B3GLCT: variants seen among roughly 807,000 people sequenced by gnomAD.
The protein encoded by B3GLCT is beta 3-glucosyltransferase.
In B3GLCT, 65 loss-of-function variants were observed where a neutral mutation model predicts 63.4. The observed-to-expected ratio is 1.03, with a 90% confidence interval of 0.84 to 1.26. B3GLCT has a LOEUF of 1.26. B3GLCT is among the 50% of genes most tolerant of loss of function. B3GLCT has a pLI of 0.00. For missense variants in B3GLCT, 577 were observed against 604.8 expected (o/e 0.95, Z 0.48); for synonymous variants, 233 against 219.2 (o/e 1.06, Z -0.55).
At chr13:31,230,433 C>T (rs1344619289) in intron 4 of B3GLCT, among the ~76,000 whole-genome samples, 1 of 152,160 alleles carries the variant, frequency 6.6e-6, no homozygotes, top group Non-Finnish European at 1.5e-5. Context: ...TGTTTTCTTT[C>T]TCTTCATGGG....
intron 4 of B3GLCT, 130 bp from the exon 5 acceptor site, chr13:31,246,893 A>C: frequency 3.3e-5 from 23 of 687,504 alleles, no homozygotes; most frequent in Non-Finnish European, 4.7e-5. Context: ...GGTCTCTAGA[A>C]ACAGCTGCAT....
At chr13:31,254,642 G>T (rs569086299) in intron 6 of B3GLCT, among the ~76,000 whole-genome samples, 1 of 152,276 alleles carries the variant, frequency 6.6e-6, no homozygotes, top group East Asian at 1.9e-4. Context: ...ATTCAACATG[G>T]TATTGGAAGT....
At chr13:31,273,156 A>T (rs981965285) in intron 8 of B3GLCT, among the ~76,000 whole-genome samples, 7 of 152,176 alleles carry the variant, frequency 4.6e-5, no homozygotes, top group African/African-American at 1.7e-4. Flanking sequence ...ATGCAGTGGC[A>T]TGATCTTGGC....
At chr13:31,285,303 C>CCT (rs1410948497) in intron 11 of B3GLCT, among the ~76,000 whole-genome samples, 1 of 151,908 alleles carries the variant, frequency 6.6e-6, no homozygotes, top group African/African-American at 2.4e-5. Context: ...TTGGAGACTC[C>CCT]AAAAGGTGGG....
chr13:31,234,210 C>T (rs372657665), intron 4 of B3GLCT, among the ~76,000 whole-genome samples: 4 of 151,814 alleles, frequency 2.6e-5, no homozygotes, highest in Admixed American at 1.3e-4. Context: ...TTAGTAGAGA[C>T]GGGGTTTCAC....
intron 1 of B3GLCT, among the ~76,000 whole-genome samples, chr13:31,209,687 TATC>T (rs1307546721): frequency 6.6e-6 from 1 of 152,132 alleles, no homozygotes; most frequent in Non-Finnish European, 1.5e-5. Context: ...TGCCAGTCAT[TATC>T]ATTGTGGTCA....
chr13:31,258,446 G>A (rs189860697), intron 6 of B3GLCT, among the ~76,000 whole-genome samples: 16 of 151,978 alleles, frequency 1.1e-4, no homozygotes, highest in African/African-American at 3.1e-4. Flanking sequence ...ATACTACTAC[G>A]CTGTTTCAGG....
chr13:31,238,502 A>G (rs982102391), intron 4 of B3GLCT, among the ~76,000 whole-genome samples: 1 of 152,244 alleles, frequency 6.6e-6, no homozygotes, highest in Non-Finnish European at 1.5e-5. Flanking sequence ...TTCTATGTGC[A>G]GAGTATCATT....
chr13:31,329,620 A>C lies in B3GLCT; in HGVS notation c.1449A>C (p.Glu483Asp). 1 of 1,614,202 alleles carries C rather than the reference A, an allele frequency of 6.2e-7. No individual in the cohort carries two copies. Among genetic ancestry groups the C allele is most frequent in the Non-Finnish European group, 8.5e-7 (1 of 1,180,028 alleles). The change falls in exon 15 of 15, where the codon GAA (glutamate) becomes GAC (aspartate). Residue 483 changes from glutamate (E) to aspartate (D), a missense_variant. Transcript: ENST00000343307. ...TCACATGGTTGGCACCCAGTGACGA[A>C]GACAAAGCCAGGCAGGAGACACAGA... ...VYFTWLAPSD[E>D]DKARQETQKG...
At chr13:31,295,715 G>A (rs372033156) in intron 12 of B3GLCT, among the ~76,000 whole-genome samples, 8 of 152,332 alleles carry the variant, frequency 5.3e-5, no homozygotes, top group South Asian at 2.1e-4. Flanking sequence ...TGCTGGCAGC[G>A]AGGATTTCCA....
At chr13:31,235,573 T>G (rs1326879428) in intron 4 of B3GLCT, among the ~76,000 whole-genome samples, 6 of 152,244 alleles carry the variant, frequency 3.9e-5, no homozygotes, top group East Asian at 1.9e-4. Context: ...TCAGAGAGAC[T>G]GGTCTCAGAC....
At chr13:31,246,517 T>G (rs1871199447) in intron 4 of B3GLCT, among the ~76,000 whole-genome samples, 1 of 141,896 alleles carries the variant, frequency 7.0e-6, no homozygotes, top group African/African-American at 2.7e-5. Context: ...TATTTTAATG[T>G]GTTTAGAGAA....
chr13:31,229,168 A>AT lies in B3GLCT; in HGVS notation c.161-8dup, dbSNP rs757600274. 3.7e-3 allele frequency: 5,323 copies of AT among 1,454,506 alleles called. 22 individuals carry two copies. Among genetic ancestry groups the AT allele is most frequent in the African/African-American group, 4.1e-3 (292 of 71,238 alleles). The allele number at this position is 1,454,506 out of a possible 1,614,324, so 90.1% of individuals were successfully genotyped here. A position where few individuals can be genotyped will look rare whatever the true frequency, so the allele number is the denominator to read the frequency against. ...TTGTAAAAAGAAATACCTGAAAACT[A>AT]TTTTTTTTTGTTCTAGACTTAAAAG... On this transcript the variant is annotated splice_polypyrimidine_tract_variant and intron_variant, in intron 3 of 14. Coordinates refer to ENST00000343307, the MANE Select transcript of B3GLCT (RefSeq NM_194318.4).
intron 5 of B3GLCT, among the ~76,000 whole-genome samples, 172 bp downstream of exon 5, chr13:31,247,271 A>T (rs1871238851): frequency 6.6e-6 from 1 of 151,858 alleles, no homozygotes. Flanking sequence ...ATTGGTTCTT[A>T]ATCATGAATA....
At chr13:31,220,908 C>G (rs369497733) in intron 2 of B3GLCT, among the ~76,000 whole-genome samples, 2 of 152,172 alleles carry the variant, frequency 1.3e-5, no homozygotes, top group East Asian at 3.8e-4. Flanking sequence ...CATCTTTTAA[C>G]TTGTTGATGA....
intron 4 of B3GLCT, among the ~76,000 whole-genome samples, chr13:31,239,101 G>A (rs1870801328): frequency 6.6e-6 from 1 of 152,210 alleles, no homozygotes; most frequent in Non-Finnish European, 1.5e-5. Context: ...GGGATGCCAA[G>A]TAGGAACTGG....
At chr13:31,323,437 C>T (rs918039871) in intron 13 of B3GLCT, among the ~76,000 whole-genome samples, 15 of 152,176 alleles carry the variant, frequency 9.9e-5, no homozygotes, top group Admixed American at 6.5e-4. Flanking sequence ...TTGTTTCCTT[C>T]GGCCCTTTCA....
intron 14 of B3GLCT, 129 bp downstream of exon 14, chr13:31,324,024 G>A: frequency 1.7e-6 from 2 of 1,207,842 alleles, no homozygotes; most frequent in Non-Finnish European, 2.4e-6. Context: ...GGCTCCAGGG[G>A]AATGTCCTTA....
intron 12 of B3GLCT, among the ~76,000 whole-genome samples, chr13:31,288,506 A>G (rs959960558): frequency 6.6e-6 from 1 of 152,206 alleles, no homozygotes; most frequent in Non-Finnish European, 1.5e-5. Flanking sequence ...AAAAACAGGC[A>G]TATTCACCCT....
Sources: allele counts gnomAD v4.1 joint callset (sites outside exome capture counted in the v4.1 genomes callset), GRCh38; gene constraint gnomAD v4.1.1; transcripts MANE v1.5; gene names NCBI Gene and HGNC (gene_info 2026-07-23, HGNC 2026-07-21).